Variants in PHACTR1 observed in about 807,000 individuals in gnomAD.
PHACTR1 encodes phosphatase and actin regulator 1.
In PHACTR1, 16 loss-of-function variants were observed where a neutral mutation model predicts 69.2. The observed-to-expected ratio is 0.23, with a 90% CI of 0.16 to 0.35. The LOEUF is 0.35. PHACTR1 is among the 10% of genes least tolerant of loss of function. The probability of loss-of-function intolerance (pLI) is 1.00; values close to 1 mark genes in which losing one functional copy is unlikely to be tolerated. For synonymous variants in PHACTR1, 312 were observed against 284.5 expected (o/e 1.10, Z -0.97); for missense variants, 510 against 734.7 (o/e 0.69, Z 3.54).
At chr6:12,913,366 A>G (rs781456158) in intron 4 of PHACTR1, among the ~76,000 whole-genome samples, 1 of 152,246 alleles carries the variant, frequency 6.6e-6, no homozygotes, top group Non-Finnish European at 1.5e-5. Context: ...CCGTTGCTGC[A>G]AATCCAAAGA....
chr6:12,990,612 A>G (rs994687847), intron 4 of PHACTR1, among the ~76,000 whole-genome samples: 1 of 152,220 alleles, frequency 6.6e-6, no homozygotes. Context: ...AATTTAGCAA[A>G]TGTATACAAT....
At chr6:13,061,226 A>G (rs111603580) in intron 5 of PHACTR1, among the ~76,000 whole-genome samples, 113 of 152,250 alleles carry the variant, frequency 7.4e-4, no homozygotes, top group Admixed American at 1.5e-3. Context: ...AGGATAATCT[A>G]TTTCAGATAT....
intron 4 of PHACTR1, chr6:12,934,149 G>T: frequency 1.7e-6 from 1 of 583,880 alleles, no homozygotes; most frequent in Non-Finnish European, 2.8e-6. Context: ...GGTGTTAACT[G>T]GGCTCAAAAA....
At chr6:13,243,318 GC>G (rs1264033262) in intron 10 of PHACTR1, among the ~76,000 whole-genome samples, 1 of 149,814 alleles carries the variant, frequency 6.7e-6, no homozygotes, top group Non-Finnish European at 1.5e-5. Context: ...GCTTAAAACA[GC>G]CACAAAGATG....
chr6:13,151,775 G>T (rs1017668242), intron 5 of PHACTR1, among the ~76,000 whole-genome samples: 4 of 152,164 alleles, frequency 2.6e-5, no homozygotes, highest in Non-Finnish European at 4.4e-5. Flanking sequence ...TATGACTGTT[G>T]CAGGGGAGAG....
At chr6:12,938,763 C>G (rs1789745332) in intron 4 of PHACTR1, among the ~76,000 whole-genome samples, 1 of 152,170 alleles carries the variant, frequency 6.6e-6, no homozygotes, top group African/African-American at 2.4e-5. Context: ...TTGCTATCGA[C>G]TAGCCTACAT....
At chr6:12,999,013 T>C (rs1270433262) in intron 4 of PHACTR1, among the ~76,000 whole-genome samples, 2 of 152,222 alleles carry the variant, frequency 1.3e-5, no homozygotes, top group African/African-American at 4.8e-5. Flanking sequence ...AGAGGGTAAT[T>C]GTTAACGATC....
At chr6:13,029,282 C>T (rs4715064) in intron 4 of PHACTR1, among the ~76,000 whole-genome samples, 25,119 of 152,186 alleles carry the variant, frequency 0.17, 2,595 homozygotes, top group South Asian at 0.26. Flanking sequence ...AATGTCTGGA[C>T]TTCAGGGGAT....
intron 5 of PHACTR1, among the ~76,000 whole-genome samples, chr6:13,127,777 T>C (rs954252936): frequency 2.0e-5 from 3 of 152,150 alleles, no homozygotes; most frequent in Non-Finnish European, 4.4e-5. Context: ...TTTCTATCTG[T>C]AGTGGAAGCT....
chr6:13,142,017 G>T (rs1583554094), intron 5 of PHACTR1, among the ~76,000 whole-genome samples: 1 of 152,208 alleles, frequency 6.6e-6, no homozygotes, highest in South Asian at 2.1e-4. Context: ...CCATGCAAGG[G>T]GAGAGGGCTG....
intron 4 of PHACTR1, among the ~76,000 whole-genome samples, chr6:12,941,942 T>G (rs1293087063): frequency 6.6e-6 from 1 of 152,206 alleles, no homozygotes; most frequent in Admixed American, 6.5e-5. Flanking sequence ...AGAGAGTTCT[T>G]TGATATTTCC....
chr6:13,240,016 A>G (rs1014115032), intron 10 of PHACTR1, among the ~76,000 whole-genome samples: 3 of 152,006 alleles, frequency 2.0e-5, no homozygotes, highest in South Asian at 2.1e-4. Context: ...TGGGAACACA[A>G]TCGATCTTAG....
chr6:12,741,674 T>C (rs1381586743), intron 3 of PHACTR1, among the ~76,000 whole-genome samples: 4 of 152,034 alleles, frequency 2.6e-5, no homozygotes, highest in Non-Finnish European at 5.9e-5. Context: ...TATCTTCTAC[T>C]GTAATCCTCC....
intron 8 of PHACTR1, among the ~76,000 whole-genome samples, chr6:13,208,263 C>A (rs1766232983): frequency 6.6e-6 from 1 of 152,130 alleles, no homozygotes; most frequent in Admixed American, 6.5e-5. Context: ...CAAAGGGTGG[C>A]CCACAAATGG....
intron 4 of PHACTR1, among the ~76,000 whole-genome samples, chr6:12,986,158 A>C (rs1263972242): frequency 2.0e-5 from 3 of 152,192 alleles, no homozygotes; most frequent in Non-Finnish European, 2.9e-5. Context: ...AAATTAAACT[A>C]TAATGTTAGA....
intron 4 of PHACTR1, among the ~76,000 whole-genome samples, chr6:12,830,766 A>AT (rs1019941092): frequency 9.4e-5 from 14 of 148,536 alleles, no homozygotes; most frequent in East Asian, 2.0e-4. Flanking sequence ...TTTTTTTTGT[A>AT]TTTTTTTTTA....
chr6:12,822,401 G>A (rs746059375), intron 4 of PHACTR1, among the ~76,000 whole-genome samples: 21 of 152,172 alleles, frequency 1.4e-4, no homozygotes, highest in Non-Finnish European at 2.6e-4. Flanking sequence ...TAGTCAGGGA[G>A]GCACAAGGGA....
At chr6:13,258,632 G>C (rs1775511754) in intron 10 of PHACTR1, among the ~76,000 whole-genome samples, 1 of 152,174 alleles carries the variant, frequency 6.6e-6, no homozygotes, top group African/African-American at 2.4e-5. Flanking sequence ...TGGTGGCCCT[G>C]CACCAGTTTT....
chr6:12,791,064 T>C (rs1772206759), intron 4 of PHACTR1, among the ~76,000 whole-genome samples: 1 of 152,162 alleles, frequency 6.6e-6, no homozygotes, highest in Non-Finnish European at 1.5e-5. Flanking sequence ...ATGTCATGCA[T>C]TGGGATACAC....
Sources: allele counts gnomAD v4.1 joint callset (sites outside exome capture counted in the v4.1 genomes callset), GRCh38; gene constraint gnomAD v4.1.1; transcripts MANE v1.5; gene names NCBI Gene and HGNC (gene_info 2026-07-23, HGNC 2026-07-21).